Variants in PDE3A observed in about 807,000 individuals in gnomAD.
The protein encoded by PDE3A is cGMP-inhibited 3',5'-cyclic phosphodiesterase 3A.
PDE3A carries 43 observed loss-of-function variants against 98.3 expected under a neutral mutation model. The ratio of observed to expected loss-of-function variants is 0.44; its 90% CI spans 0.34 to 0.56. The LOEUF (loss-of-function observed/expected upper bound fraction) is 0.56. PDE3A is among the 20% of genes least tolerant of loss of function. The pLI is 0.01. For synonymous variants in PDE3A, 663 were observed against 567.9 expected (o/e 1.17, Z -2.38); for missense variants, 1,427 against 1,440.7 (o/e 0.99, Z 0.15).
At chr12:20,606,126 A>T (rs1276384272) in intron 2 of PDE3A, among the ~76,000 whole-genome samples, 6 of 151,960 alleles carry the variant, frequency 3.9e-5, no homozygotes, top group Admixed American at 1.3e-4. Flanking sequence ...ATTTATGTTG[A>T]CCCTACCATT....
At chr12:20,484,276 A>G (rs1294754406) in intron 1 of PDE3A, among the ~76,000 whole-genome samples, 2 of 152,182 alleles carry the variant, frequency 1.3e-5, no homozygotes, top group Non-Finnish European at 2.9e-5. Context: ...AAAGTATGCT[A>G]TGCTTAGTGG....
At chr12:20,386,109 A>AAATATG (rs1943777310) in intron 1 of PDE3A, among the ~76,000 whole-genome samples, 1 of 26,122 alleles carries the variant, frequency 3.8e-5, no homozygotes, top group Non-Finnish European at 7.4e-5. Flanking sequence ...AAATATATAT[A>AAATATG]TAAATATATA....
At chr12:20,583,765 T>G (rs1230557364) in intron 2 of PDE3A, among the ~76,000 whole-genome samples, 10 of 152,234 alleles carry the variant, frequency 6.6e-5, no homozygotes. Flanking sequence ...AATTGGCTTT[T>G]TTTCATTGAT....
intron 2 of PDE3A, chr12:20,572,063 T>A: frequency 2.5e-6 from 3 of 1,194,824 alleles, no homozygotes; most frequent in Admixed American, 3.5e-5. Context: ...AGCATGTTTT[T>A]AAAAAAATGA....
rs35182005 is a variant in PDE3A at position 20,633,684 on chromosome 12, A to AT, written c.1761-3dup. 1 of 1,587,658 alleles carries AT rather than the reference A, an allele frequency of 6.3e-7. No individual in the cohort carries two copies. Among genetic ancestry groups the AT allele is most frequent in the Non-Finnish European group, 8.6e-7 (1 of 1,161,834 alleles). ...AGGCTACACCTATAGCTCTTCCAAT[A>AT]TTTTTTAGCTGTGGCAGACCATATT... is the stretch of plus-strand genomic sequence containing the variant. On this transcript the variant is annotated splice_polypyrimidine_tract_variant and intron_variant, in intron 6 of 15. Transcript: ENST00000359062.
At chr12:20,515,988 T>G (rs1946315638) in intron 1 of PDE3A, among the ~76,000 whole-genome samples, 1 of 150,758 alleles carries the variant, frequency 6.6e-6, no homozygotes, top group Non-Finnish European at 1.5e-5. Context: ...CGCCTCGGCC[T>G]CCCAAAGTGC....
intron 1 of PDE3A, among the ~76,000 whole-genome samples, chr12:20,389,493 T>C (rs1943874272): frequency 6.6e-6 from 1 of 151,992 alleles, no homozygotes; most frequent in Non-Finnish European, 1.5e-5. Flanking sequence ...ACCTTTAGCA[T>C]GGTTGGCTCC....
rs1293582142 is a variant in PDE3A, at chr12:20,639,860, T to G, written c.2154T>G (p.Leu718=). ...GRILSQVSYR[L]FEDMGLFEAF... is the part of the protein sequence containing the mutation. ...TTCTTTTACAGGTATCTTACAGACT[T>G]TTTGAAGACATGGGCCTCTTTGAAG... The change falls in exon 10 of 16, where the codon CTT becomes CTG. Residue 718 remains leucine, a synonymous_variant. Coordinates refer to ENST00000359062, the MANE Select transcript of PDE3A (RefSeq NM_000921.5). 6.5e-7 allele frequency: 1 copy of G among 1,539,610 alleles called. No individual in the cohort carries two copies. The highest frequency in any genetic ancestry group is 1.7e-5 in the Admixed American group (1 of 59,896).
At chr12:20,378,483 ATTAC>A (rs1943610065) in intron 1 of PDE3A, among the ~76,000 whole-genome samples, 1 of 151,848 alleles carries the variant, frequency 6.6e-6, no homozygotes, top group African/African-American at 2.4e-5. Flanking sequence ...GACAGGGTAT[ATTAC>A]TTATTTTTAC....
At chr12:20,511,767 A>G (rs2121118451) in intron 1 of PDE3A, among the ~76,000 whole-genome samples, 1 of 152,162 alleles carries the variant, frequency 6.6e-6, no homozygotes, top group East Asian at 1.9e-4. Flanking sequence ...TTCTCAGGAG[A>G]GAAATGGGCA....
chr12:20,486,561 A>C (rs528394856), intron 1 of PDE3A, among the ~76,000 whole-genome samples: 46 of 152,330 alleles, frequency 3.0e-4, no homozygotes, highest in African/African-American at 1.0e-3. Context: ...GTTTTTAAAA[A>C]GGAAAATATG....
intron 1 of PDE3A, among the ~76,000 whole-genome samples, chr12:20,547,127 G>T (rs944807937): frequency 1.6e-4 from 24 of 151,956 alleles, no homozygotes; most frequent in African/African-American, 5.3e-4. Context: ...TTGTGTGTCT[G>T]GCTCTTTATA....
intron 15 of PDE3A, among the ~76,000 whole-genome samples, chr12:20,668,728 A>T (rs1349032681): frequency 6.6e-6 from 1 of 150,876 alleles, no homozygotes; most frequent in Admixed American, 6.6e-5. Context: ...CCAAAAGTAG[A>T]TAAAACCACA....
At chr12:20,556,079 T>G (rs986148081) in intron 1 of PDE3A, among the ~76,000 whole-genome samples, 7 of 152,178 alleles carry the variant, frequency 4.6e-5, no homozygotes, top group African/African-American at 1.7e-4. Context: ...ATATTCTTCT[T>G]TGTAAGCAAG....
intron 14 of PDE3A, among the ~76,000 whole-genome samples, chr12:20,651,355 A>G (rs879871499): frequency 2.6e-5 from 4 of 152,190 alleles, no homozygotes; most frequent in Non-Finnish European, 4.4e-5. Flanking sequence ...GGAATAAGTG[A>G]CAGAAAAGCA....
At chr12:20,605,478 T>C (rs561591060) in intron 2 of PDE3A, among the ~76,000 whole-genome samples, 92 of 151,894 alleles carry the variant, frequency 6.1e-4, no homozygotes, top group Non-Finnish European at 2.7e-4. Flanking sequence ...CAAGATGTAA[T>C]TTTAAAATCT....
intron 1 of PDE3A, among the ~76,000 whole-genome samples, chr12:20,378,085 A>T (rs11045197): frequency 0.45 from 68,302 of 151,512 alleles, 16,430 homozygotes; most frequent in Non-Finnish European, 0.54. Flanking sequence ...TACTGTTTAT[A>T]TAAATACCAC....
intron 1 of PDE3A, among the ~76,000 whole-genome samples, chr12:20,438,771 T>G (rs1944819506): frequency 6.6e-6 from 1 of 151,994 alleles, no homozygotes; most frequent in South Asian, 2.1e-4. Context: ...TGTCTTTTTT[T>G]TTTTTTGAGA....
At chr12:20,505,284 T>A (rs935480651) in intron 1 of PDE3A, among the ~76,000 whole-genome samples, 1 of 151,886 alleles carries the variant, frequency 6.6e-6, no homozygotes, top group African/African-American at 2.4e-5. Context: ...GACCTAGGAG[T>A]CTCCTTTTCT....
Sources: gnomAD v4.1 joint callset for allele counts (sites outside exome capture counted in the v4.1 genomes callset) on GRCh38, gnomAD v4.1.1 for gene constraint, MANE v1.5 for transcripts, NCBI Gene and HGNC (gene_info 2026-07-23, HGNC 2026-07-21) for gene names.